CHN2: variants seen among roughly 807,000 people sequenced by gnomAD.
CHN2 encodes chimerin 2, also known as beta-chimaerin.
A neutral mutation model predicts 56.3 loss-of-function variants in CHN2; 35 were observed. The ratio of observed to expected loss-of-function variants is 0.62; its 90% confidence interval spans 0.47 to 0.82. The LOEUF is 0.82. Ranked by LOEUF, CHN2 falls within the 40% of genes least tolerant of loss-of-function variation. The probability of loss-of-function intolerance (pLI) is 0.00; values close to 1 mark genes in which losing one functional copy is unlikely to be tolerated. For missense variants in CHN2, 491 were observed against 580.5 expected (o/e 0.85, Z 1.58); for synonymous variants, 210 against 212.8 (o/e 0.99, Z 0.12).
rs1316051191 is a variant in CHN2, at chr7:29,512,907, C to T, written c.*172C>T. ...GTCTCATAGACATGCGCCACCTCCA[C>T]GTGAGAACAAGGGTGAAGGTGAGGG... On this transcript the variant is annotated 3_prime_UTR_variant, in exon 13 of 13. Transcript: ENST00000222792. The T allele has an allele frequency of 6.4e-6, 4 of 627,524 alleles. No individual in the cohort carries two copies. The highest frequency in any genetic ancestry group is 1.1e-5 in the Non-Finnish European group (4 of 379,298). 38.9% of individuals were successfully genotyped at this position (627,524 alleles called of 1,614,324 possible). A position where few individuals can be genotyped will look rare whatever the true frequency, so the allele number is the denominator to read the frequency against.
At chr7:29,292,166 A>G (rs3812342) in intron 1 of CHN2, among the ~76,000 whole-genome samples, 59,053 of 152,052 alleles carry the variant, frequency 0.39, 11,985 homozygotes, top group East Asian at 0.48. Flanking sequence ...ATGGAGCGAG[A>G]GACGGGCCAG....
rs1177570853 is a variant in CHN2, at chr7:29,512,968, A to G, written c.*233A>G. On this transcript the variant is annotated 3_prime_UTR_variant, in exon 13 of 13. Transcript: ENST00000222792. ...CCTTGGGTCTTTTGCTGTGCCTCCT[A>G]TGTATGTCTGGTTTGCTGGAAGAGT... 9.4e-6 allele frequency: 4 copies of G among 424,256 alleles called. No homozygotes were observed. Among genetic ancestry groups the G allele is most frequent in the Middle Eastern group, 6.2e-4 (1 of 1,608 alleles). The allele number at this position is 424,256 out of a possible 1,614,324, so 26.3% of individuals were successfully genotyped here.
chr7:29,215,699 G>T (rs35681125), intron 1 of CHN2, among the ~76,000 whole-genome samples: 20,115 of 151,848 alleles, frequency 0.13, 1,689 homozygotes, highest in Non-Finnish European at 0.19. Flanking sequence ...GAGTATATGT[G>T]AGTGTATGTG....
chr7:29,510,524 T>C (rs944061026), intron 12 of CHN2, among the ~76,000 whole-genome samples: 14 of 152,192 alleles, frequency 9.2e-5, no homozygotes, highest in Non-Finnish European at 2.9e-5. Context: ...CAGGATTCAG[T>C]TCCTTAAAGG....
chr7:29,240,940 C>T (rs1026513119), intron 1 of CHN2, among the ~76,000 whole-genome samples: 4 of 151,932 alleles, frequency 2.6e-5, no homozygotes, highest in Non-Finnish European at 4.4e-5. Context: ...GCCTGGAGTG[C>T]GGTGAGGCAA....
intron 9 of CHN2, among the ~76,000 whole-genome samples, chr7:29,502,390 A>T: frequency 6.6e-6 from 1 of 152,126 alleles, no homozygotes; most frequent in African/African-American, 2.4e-5. Context: ...GGAAGTGGAA[A>T]AGAGCATGCT....
At chr7:29,154,137 A>G (rs1208082170) in intron 2 of CHN2, among the ~76,000 whole-genome samples, 4 of 152,248 alleles carry the variant, frequency 2.6e-5, no homozygotes, top group African/African-American at 7.2e-5. Context: ...TCACCACATC[A>G]CAGCCTCATT....
At chr7:29,252,193 T>C (rs2128819951) in intron 1 of CHN2, among the ~76,000 whole-genome samples, 1 of 148,440 alleles carries the variant, frequency 6.7e-6, no homozygotes, top group South Asian at 2.2e-4. Context: ...CAGGATTTTT[T>C]TTTTTTTTTT....
chr7:29,152,160 A>G (rs1414247922), intron 2 of CHN2, among the ~76,000 whole-genome samples: 1 of 152,202 alleles, frequency 6.6e-6, no homozygotes, highest in African/African-American at 2.4e-5. Flanking sequence ...AGGTCACATC[A>G]CCAAATAAAG....
chr7:29,420,594 CAT>C (rs1804237534), intron 6 of CHN2, among the ~76,000 whole-genome samples: 1 of 152,112 alleles, frequency 6.6e-6, no homozygotes, highest in South Asian at 2.1e-4. Context: ...CTAAAGCAGT[CAT>C]ATTCACAGCA....
At chr7:29,296,974 G>C (rs991875261) in intron 1 of CHN2, among the ~76,000 whole-genome samples, 1 of 152,152 alleles carries the variant, frequency 6.6e-6, no homozygotes, top group Non-Finnish European at 1.5e-5. Flanking sequence ...TCTGTTAATG[G>C]CTCCTCTGGA....
intron 5 of CHN2, 76 bp downstream of exon 5, chr7:29,398,562 T>C: frequency 1.1e-6 from 1 of 897,566 alleles, no homozygotes; most frequent in Non-Finnish European, 1.8e-6. Context: ...TTAAGAATTG[T>C]AGCAGAGTAT....
intron 11 of CHN2, among the ~76,000 whole-genome samples, chr7:29,508,418 T>A (rs1253045436): frequency 9.6e-5 from 14 of 145,108 alleles, no homozygotes; most frequent in South Asian, 2.2e-4. Flanking sequence ...TGTTTTTATT[T>A]AAAAAAAAAA....
intron 1 of CHN2, among the ~76,000 whole-genome samples, chr7:29,352,646 C>T (rs772197540): frequency 3.3e-4 from 50 of 152,154 alleles, no homozygotes; most frequent in Non-Finnish European, 6.3e-4. Flanking sequence ...TTGCCTGAAC[C>T]TAGGAGGCAG....
chr7:29,235,462 A>C (rs1194522008), intron 1 of CHN2, among the ~76,000 whole-genome samples: 3 of 152,234 alleles, frequency 2.0e-5, no homozygotes, highest in Non-Finnish European at 2.9e-5. Flanking sequence ...TACTGTGGAA[A>C]GCACTTTGAA....
At chr7:29,331,883 G>A (rs536435834) in intron 1 of CHN2, among the ~76,000 whole-genome samples, 15 of 151,944 alleles carry the variant, frequency 9.9e-5, no homozygotes, top group East Asian at 1.9e-4. Flanking sequence ...AACATGGCAC[G>A]TGCCTGTAAT....
intron 7 of CHN2, among the ~76,000 whole-genome samples, chr7:29,482,899 G>A (rs1225041778): frequency 1.6e-5 from 2 of 126,728 alleles, no homozygotes; most frequent in East Asian, 5.0e-4. Flanking sequence ...TCGGCTCACT[G>A]CAAGCTCCGC....
intron 2 of CHN2, among the ~76,000 whole-genome samples, chr7:29,149,716 C>G (rs886519277): frequency 6.6e-6 from 1 of 152,026 alleles, no homozygotes; most frequent in Non-Finnish European, 1.5e-5. Flanking sequence ...GATCCTTCCT[C>G]GCTGCTTCTA....
chr7:29,371,036 G>C (rs1799567487), intron 3 of CHN2, among the ~76,000 whole-genome samples: 1 of 152,158 alleles, frequency 6.6e-6, no homozygotes, highest in African/African-American at 2.4e-5. Flanking sequence ...TACTTTGCAG[G>C]GTTGCTATAA....
Sources: allele counts gnomAD v4.1 joint callset (sites outside exome capture counted in the v4.1 genomes callset), GRCh38; gene constraint gnomAD v4.1.1; transcripts MANE v1.5; gene names NCBI Gene and HGNC (gene_info 2026-07-23, HGNC 2026-07-21).